The following RAP1GAP2 variants were observed in gnomAD, a reference collection of about 807,000 sequenced individuals.
RAP1GAP2 encodes RAP1 GTPase activating protein 2, also known as rap1 GTPase-activating protein 2.
In RAP1GAP2, 27 loss-of-function variants were observed where a neutral mutation model predicts 95.0. That is an observed-to-expected ratio of 0.28 (90% CI 0.21 to 0.39). The LOEUF is 0.39. Ranked by LOEUF, RAP1GAP2 falls within the 10% of genes least tolerant of loss-of-function variation. The pLI is 1.00. For missense variants in RAP1GAP2, 771 were observed against 970.0 expected, an observed-to-expected ratio of 0.79 and a Z score of 2.72; for synonymous variants, 373 against 380.9, an observed-to-expected ratio of 0.98 and a Z score of 0.24.
chr17:2,896,482 G>C (rs2041829203), intron 2 of RAP1GAP2, among the ~76,000 whole-genome samples: 1 of 152,214 alleles, frequency 6.6e-6, no homozygotes, highest in Admixed American at 6.5e-5. Flanking sequence ...TTCTGACTCT[G>C]TGACCCCAGG....
chr17:2,807,017 C>T (rs145376541), intron 2 of RAP1GAP2, among the ~76,000 whole-genome samples: 1 of 152,058 alleles, frequency 6.6e-6, no homozygotes, highest in Non-Finnish European at 1.5e-5. Flanking sequence ...CTTCCCTCCC[C>T]ATGCTGTGAG....
At chr17:2,766,443 T>C (rs1327362292) in intron 1 of RAP1GAP2, among the ~76,000 whole-genome samples, 5 of 151,862 alleles carry the variant, frequency 3.3e-5, no homozygotes, top group African/African-American at 1.2e-4. Flanking sequence ...CGAGACCAGC[T>C]TGGCCAACAT....
rs531174525 is a variant in RAP1GAP2 at position 3,003,376 on chromosome 17, C to G, written c.1201-1993C>G. The stretch of plus-strand genomic sequence containing the variant: ...ACCAGGACTACCCCTTTCCCTCCCC[C>G]CTATCCCTGCCTCCCTCTCCGGAAG... On this transcript the variant is annotated intron_variant, in intron 14 of 24. Transcript: ENST00000254695. The surrounding 1 kb of genome is among the most constrained non-coding windows in gnomAD (Gnocchi z 4.1). 3.7e-4 allele frequency among the ~76,000 whole-genome samples: 57 copies of G among 152,092 alleles called. No individual in the cohort carries two copies. Among genetic ancestry groups the G allele is most frequent in the Non-Finnish European group, 5.9e-4 (40 of 68,018 alleles).
At position 2,832,399 on chromosome 17, in the gene RAP1GAP2, A is replaced by G. The variant is rs368497009; in HGVS notation, c.80+31849A>G. 1.6e-4 allele frequency among the ~76,000 whole-genome samples: 24 copies of G among 150,846 alleles called. 1 individual carries two copies. The East Asian group carries it at 3.0e-3, about 19-fold the overall frequency. ...CGGTGAAACCCCATCTCTACTAAAA[A>G]TACAAAAAATTACCCAGGTGTTGTG... On this transcript the variant is annotated intron_variant, in intron 2 of 24. Transcript: ENST00000254695.
intron 2 of RAP1GAP2, among the ~76,000 whole-genome samples, chr17:2,889,862 T>G (rs2073630603): frequency 2.2e-5 from 1 of 45,836 alleles, no homozygotes; most frequent in Non-Finnish European, 5.1e-5. Context: ...TTTATGTGTG[T>G]GTATATATAT....
intron 2 of RAP1GAP2, among the ~76,000 whole-genome samples, chr17:2,859,855 G>T (rs969727234): frequency 6.6e-6 from 1 of 152,004 alleles, no homozygotes; most frequent in African/African-American, 2.4e-5. Flanking sequence ...AACATGTTCT[G>T]CTGTCCCCTG....
In RAP1GAP2 at chr17:2,813,770, G is replaced by C. The variant is rs185600212; in HGVS notation, c.80+13220G>C. Reference sequence around the variant, plus strand: ...TCAGGAGTTCGTCGAGACCAGCCGGGCCAACATGGTGAAACCCTGTCTCTA... The same window carrying C: ...TCAGGAGTTCGTCGAGACCAGCCGGCCCAACATGGTGAAACCCTGTCTCTA... On this transcript the variant is annotated intron_variant, in intron 2 of 24. Transcript: ENST00000254695. Among the ~76,000 whole-genome samples the C allele has an allele frequency of 2.6e-5, 4 of 152,164 alleles. No homozygotes were observed. The East Asian group carries it at 5.8e-4, about 22-fold the overall frequency.
chr17:2,761,000 G>A (rs2071235601), intron 1 of RAP1GAP2, among the ~76,000 whole-genome samples: 1 of 151,840 alleles, frequency 6.6e-6, no homozygotes, highest in Admixed American at 6.6e-5. Flanking sequence ...TGTTGTCCAG[G>A]CTGGAGTGCA....
At chr17:2,887,065 C>T (rs1026394062) in intron 2 of RAP1GAP2, among the ~76,000 whole-genome samples, 1 of 151,634 alleles carries the variant, frequency 6.6e-6, no homozygotes, top group Non-Finnish European at 1.5e-5. Flanking sequence ...ATGATGATGA[C>T]GAATAATAGT....
intron 1 of RAP1GAP2, chr17:2,800,065 C>T (rs1468038164): frequency 3.9e-6 from 2 of 513,348 alleles, no homozygotes; most frequent in African/African-American, 2.1e-5. Context: ...TGCGTCTTCC[C>T]AAAGCAGACG....
At chr17:2,810,819 G>T (rs910733527) in intron 2 of RAP1GAP2, among the ~76,000 whole-genome samples, 2 of 152,034 alleles carry the variant, frequency 1.3e-5, no homozygotes, top group Admixed American at 6.6e-5. Context: ...GTGAGCCACC[G>T]CGCCTGGCCA....
At chr17:2,992,329 T>G (rs2045790978) in intron 12 of RAP1GAP2, among the ~76,000 whole-genome samples, 1 of 151,394 alleles carries the variant, frequency 6.6e-6, no homozygotes, top group South Asian at 2.1e-4. Context: ...GCCTGGCTAA[T>G]TTTTGTATTT....
At chr17:2,788,227 G>GGT (rs1156640629) in intron 1 of RAP1GAP2, among the ~76,000 whole-genome samples, 1 of 152,036 alleles carries the variant, frequency 6.6e-6, no homozygotes, top group Non-Finnish European at 1.5e-5. Flanking sequence ...TGTATATAGG[G>GGT]GTGTGTGTGT....
chr17:2,797,927 CAGA>C lies in RAP1GAP2; in HGVS notation c.44+1357_44+1359del. 2.6e-6 allele frequency: 1 copy of C among 391,268 alleles called. No individual in the cohort carries two copies. The highest frequency in any genetic ancestry group is 1.1e-4 in the South Asian group (1 of 9,464). 24.2% of individuals were successfully genotyped at this position (391,268 alleles called of 1,614,324 possible). ...CCGCCTTTCTCTGGGAGGTGTGGAG[CAGA>C]TGGAAGGCTGGTCGCCAGAAAGCTC... On this transcript the variant is annotated intron_variant, in intron 1 of 24. Transcript: ENST00000254695. The surrounding 1 kb of genome is among the most constrained non-coding windows in gnomAD (Gnocchi z 5.6).
At chr17:2,799,786 G>A (rs1029263717) in intron 1 of RAP1GAP2, among the ~76,000 whole-genome samples, 12 of 152,192 alleles carry the variant, frequency 7.9e-5, no homozygotes, top group Admixed American at 1.3e-4. Context: ...GAGGGAGGAG[G>A]GGCCTCTTCT....
At chr17:2,874,716 G>A (rs557529460) in intron 2 of RAP1GAP2, among the ~76,000 whole-genome samples, 44 of 152,246 alleles carry the variant, frequency 2.9e-4, no homozygotes, top group Non-Finnish European at 4.6e-4. Flanking sequence ...ACCCAGCCAG[G>A]AAAAGCCCCA....
chr17:2,769,607 A>C (rs898802976), intron 1 of RAP1GAP2, among the ~76,000 whole-genome samples: 4 of 151,684 alleles, frequency 2.6e-5, no homozygotes, highest in South Asian at 4.2e-4. Context: ...AAAATAAAAT[A>C]AAAAAGAAAA....
rs530705821 is a variant in RAP1GAP2, at chr17:2,847,384, A to ACAGC, written c.80+46835_80+46838dup. On this transcript the variant is annotated intron_variant, in intron 2 of 24. Transcript: ENST00000254695. Reference sequence around the variant, plus strand: ...CTAGCTAGGGTCATTACAGTAACTAACAGCAAGCAAGGAAGCAAACAAAAA... The same window carrying ACAGC: ...CTAGCTAGGGTCATTACAGTAACTAACAGCCAGCAAGCAAGGAAGCAAACAAAAA... 2.4e-3 allele frequency among the ~76,000 whole-genome samples: 364 copies of ACAGC among 152,120 alleles called. 1 individual carries two copies. The highest frequency in any genetic ancestry group is 8.1e-3 in the African/African-American group (338 of 41,560).
Position 3,026,088 on chromosome 17 carries a change from C to A in RAP1GAP2, c.1832C>A (p.Pro611His). 1.9e-6 allele frequency: 3 copies of A among 1,613,298 alleles called. No homozygotes were observed. Among genetic ancestry groups the A allele is most frequent in the Non-Finnish European group, 2.5e-6 (3 of 1,179,294 alleles). Residue 611 changes from proline to histidine, a missense_variant, in exon 20 of 25, where the codon CCC (proline) becomes CAC (histidine). Physicochemically the swap from Pro to His is moderately conservative, Grantham distance 77. Coordinates refer to ENST00000254695, the MANE Select transcript of RAP1GAP2 (RefSeq NM_015085.5). ...QEIKSETSSN[P>H]SSPEICPNKE... ...ATAAAGTCTGAGACCTCATCCAATCCCAGCTCTCCGGAAATCTGCCCCAAC... is the reference window on the plus strand; with the variant it reads ...ATAAAGTCTGAGACCTCATCCAATCACAGCTCTCCGGAAATCTGCCCCAAC...
Sources: allele counts gnomAD v4.1 joint callset (sites outside exome capture counted in the v4.1 genomes callset), GRCh38; gene constraint gnomAD v4.1.1; non-coding constraint Gnocchi (gnomAD v3.1); transcripts MANE v1.5; gene names NCBI Gene and HGNC (gene_info 2026-07-23, HGNC 2026-07-21).